The following RIBC2 variants were observed in gnomAD, a reference collection of about 807,000 sequenced individuals.
The protein encoded by RIBC2 is RIB43A domain with coiled-coils 2, also known as RIB43A-like with coiled-coils protein 2.
A neutral mutation model predicts 44.3 loss-of-function variants in RIBC2; 40 were observed. The observed-to-expected ratio is 0.90, with a 90% CI of 0.70 to 1.18. The LOEUF is 1.18. Among genes scored for constraint, RIBC2 ranks in the 50% most tolerant of loss-of-function variants. The pLI is 0.00. For missense variants in RIBC2, 459 were observed against 485.5 expected (o/e 0.95, Z 0.51); for synonymous variants, 171 against 175.0 (o/e 0.98, Z 0.18).
At chr22:45,422,120 C>A (rs2087491145) in intron 3 of RIBC2, among the ~76,000 whole-genome samples, 170 bp from the exon 4 acceptor site, 1 of 152,184 alleles carries the variant, frequency 6.6e-6, no homozygotes. Flanking sequence ...CACTAGCACT[C>A]ATCTGGGAGC....
chr22:45,427,988 C>A (rs2087548837), intron 5 of RIBC2, among the ~76,000 whole-genome samples: 1 of 152,210 alleles, frequency 6.6e-6, no homozygotes, highest in African/African-American at 2.4e-5. Flanking sequence ...CTCCCCAGCA[C>A]CCCCCTTCTC....
At chr22:45,431,585 G>A (rs1254000821) in intron 6 of RIBC2, among the ~76,000 whole-genome samples, 1 of 152,146 alleles carries the variant, frequency 6.6e-6, no homozygotes, top group Non-Finnish European at 1.5e-5. Flanking sequence ...AAACTCAGGG[G>A]GGACCCAGGA....
Position 45,422,360 on chromosome 22 carries a change from C to T in RIBC2, c.627C>T (p.Thr209=). Reference sequence around the variant, plus strand: ...AGCACCTCCAGAAGCTGGAAAGCACCACCAGAAAGGCAGTTTGTGCATCTG... The same window carrying T: ...AGCACCTCCAGAAGCTGGAAAGCACTACCAGAAAGGCAGTTTGTGCATCTG... The part of the protein sequence containing the change: ...TAKHLQKLES[T]TRKAVCASVK... Residue 209 remains threonine (T), a synonymous_variant, in exon 4 of 7, where the codon ACC becomes ACT. Coordinates refer to ENST00000614167, the MANE Select transcript of RIBC2 (RefSeq NM_015653.5). The T allele has an allele frequency of 6.2e-7, 1 of 1,614,178 alleles. No individual in the cohort carries two copies. Among genetic ancestry groups the T allele is most frequent in the Non-Finnish European group, 8.5e-7 (1 of 1,180,046 alleles).
intron 6 of RIBC2, 26 bp from the exon 7 acceptor site, chr22:45,432,258 T>A: frequency 8.7e-7 from 1 of 1,153,378 alleles, no homozygotes; most frequent in African/African-American, 1.6e-5. Flanking sequence ...TTTGCTGACC[T>A]TTTTTTTTTC....
Position 45,413,845 on chromosome 22 carries a change from T to G in RIBC2, c.-42T>G. 3 of 1,511,474 alleles carry G rather than the reference T, an allele frequency of 2.0e-6. No individual in the cohort carries two copies. The highest frequency in any genetic ancestry group is 1.3e-5 in the South Asian group (1 of 79,804). 93.6% of individuals were successfully genotyped at this position (1,511,474 alleles called of 1,614,324 possible). On this transcript the variant is annotated 5_prime_UTR_variant, in exon 1 of 7. Transcript: ENST00000614167. Reference sequence around the variant, plus strand: ...ACAGCTTCCTTATTTTCGTCGCCTGTTCTCCTGATCCTGCGTGTTCTAAAA... The same window carrying G: ...ACAGCTTCCTTATTTTCGTCGCCTGGTCTCCTGATCCTGCGTGTTCTAAAA...
chr22:45,422,472 C>T, intron 4 of RIBC2, 64 bp downstream of exon 4: 1 of 1,164,434 alleles, frequency 8.6e-7, no homozygotes, highest in South Asian at 1.2e-5. Context: ...CTACGGCTTC[C>T]CAAGGCTCTC....
intron 5 of RIBC2, among the ~76,000 whole-genome samples, 187 bp from the exon 6 acceptor site, chr22:45,430,713 G>GC (rs745813536): frequency 2.2e-4 from 33 of 152,158 alleles, no homozygotes; most frequent in Non-Finnish European, 4.1e-4. Context: ...GGGCAGCTGG[G>GC]CCACATGGAA....
intron 3 of RIBC2, among the ~76,000 whole-genome samples, chr22:45,421,547 A>ATAATAGTAGTAT (rs1569208889): frequency 4.0e-5 from 1 of 24,996 alleles, no homozygotes; most frequent in African/African-American, 5.0e-4. Flanking sequence ...AATAATATTA[A>ATAATAGTAGTAT]TAATAATAAT....
chr22:45,426,578 C>T (rs1013474536), intron 5 of RIBC2, among the ~76,000 whole-genome samples: 3 of 152,164 alleles, frequency 2.0e-5, no homozygotes, highest in Admixed American at 2.0e-4. Flanking sequence ...GGGGCAGGTA[C>T]GGAGGCCTCA....
intron 4 of RIBC2, 85 bp downstream of exon 4, chr22:45,422,493 G>A: frequency 3.1e-6 from 3 of 962,584 alleles, no homozygotes; most frequent in Non-Finnish European, 5.0e-6. Flanking sequence ...CGGCTTCCCT[G>A]GGATCCCAGT....
Position 45,426,001 on chromosome 22 carries a change from C to T in RIBC2, c.729C>T (p.Asp243=). Residue 243 remains aspartate, a synonymous_variant, in exon 5 of 7, where the codon GAC becomes GAT. Coordinates refer to ENST00000614167, the MANE Select transcript of RIBC2 (RefSeq NM_015653.5). ...KKQEKKQEQE[D]NLAEITNLLR... ...AAGAGAAAAAGCAAGAACAAGAGGA[C>T]AACTTGGCCGAGATCACCAACCTCC... 1 of 1,614,106 alleles carries T rather than the reference C, an allele frequency of 6.2e-7. No individual in the cohort carries two copies. The highest frequency in any genetic ancestry group is 2.2e-5 in the East Asian group (1 of 44,884).
rs538304985 is a variant in RIBC2, at chr22:45,425,912, C to T, written c.676-36C>T. On this transcript the variant is annotated intron_variant, in intron 4 of 6. Transcript: ENST00000614167. Reference sequence around the variant, plus strand: ...GGGTGTCAGAATGCCCCTGGGGTCACTCGGACCATCTTCTTTAATGTCTTC... The same window carrying T: ...GGGTGTCAGAATGCCCCTGGGGTCATTCGGACCATCTTCTTTAATGTCTTC... The T allele has an allele frequency of 8.9e-6, 14 of 1,573,888 alleles. No individual in the cohort carries two copies. In the East Asian group the frequency reaches 2.5e-4, roughly 28 times the overall value.
chr22:45,421,538 A>T (rs140516011), intron 3 of RIBC2, among the ~76,000 whole-genome samples: 2,574 of 29,318 alleles, frequency 0.088, 60 homozygotes, highest in Non-Finnish European at 0.091. Flanking sequence ...AGTATTATTA[A>T]TAATATTAAT....
At chr22:45,423,560 C>T (rs1174532808) in intron 4 of RIBC2, among the ~76,000 whole-genome samples, 1 of 152,156 alleles carries the variant, frequency 6.6e-6, no homozygotes, top group African/African-American at 2.4e-5. Flanking sequence ...TAGTACCATG[C>T]TGTGAACTAA....
At chr22:45,421,831 GTCC>G (rs987972829) in intron 3 of RIBC2, among the ~76,000 whole-genome samples, 3 of 151,730 alleles carry the variant, frequency 2.0e-5, no homozygotes, top group Admixed American at 2.0e-4. Context: ...GCCTGACCAA[GTCC>G]TCCTGCCACT....
chr22:45,419,568 T>C (rs1026366998), intron 3 of RIBC2, among the ~76,000 whole-genome samples: 7 of 151,874 alleles, frequency 4.6e-5, no homozygotes, highest in Admixed American at 4.6e-4. Flanking sequence ...ACCTCATCTC[T>C]ACAAAAAATT....
chr22:45,414,070 G>A, intron 1 of RIBC2, 55 bp downstream of exon 1: 1 of 1,543,624 alleles, frequency 6.5e-7, no homozygotes, highest in Non-Finnish European at 8.8e-7. Flanking sequence ...GCGAGGGGCT[G>A]CGTGGAGGGG....
At chr22:45,429,217 A>C (rs1163044163) in intron 5 of RIBC2, among the ~76,000 whole-genome samples, 1 of 152,138 alleles carries the variant, frequency 6.6e-6, no homozygotes, top group African/African-American at 2.4e-5. Flanking sequence ...TGTGGTTTCG[A>C]AAGCCCCCAG....
At chr22:45,421,062 C>A (rs2078503331) in intron 3 of RIBC2, among the ~76,000 whole-genome samples, 2 of 151,902 alleles carry the variant, frequency 1.3e-5, no homozygotes, top group Admixed American at 6.6e-5. Flanking sequence ...CTTTGGGAGG[C>A]CAAAGTGGGC....
Sources: gnomAD v4.1 joint callset for allele counts (sites outside exome capture counted in the v4.1 genomes callset) on GRCh38, gnomAD v4.1.1 for gene constraint, MANE v1.5 for transcripts, NCBI Gene and HGNC (gene_info 2026-07-23, HGNC 2026-07-21) for gene names.